CYP39A1: variants seen among roughly 807,000 people sequenced by gnomAD.
The protein encoded by CYP39A1 is cytochrome P450 family 39 subfamily A member 1, also known as 24-hydroxycholesterol 7-alpha-hydroxylase.
CYP39A1 carries 49 observed loss-of-function variants against 58.1 expected under a neutral mutation model. The ratio of observed to expected loss-of-function variants is 0.84; its 90% CI spans 0.67 to 1.07. The LOEUF (loss-of-function observed/expected upper bound fraction) is 1.07, where lower values mean the gene tolerates loss of function less well. Among genes scored for constraint, CYP39A1 ranks in the 50% least tolerant of loss-of-function variants. The probability of loss-of-function intolerance (pLI) is 0.00; values close to 1 mark genes in which losing one functional copy is unlikely to be tolerated. For missense variants in CYP39A1, 531 were observed against 539.4 expected, an observed-to-expected ratio of 0.98 and a Z score of 0.16; for synonymous variants, 209 against 187.6, an observed-to-expected ratio of 1.11 and a Z score of -0.93.
At chr6:46,621,567 T>C (rs890969223) in intron 7 of CYP39A1, among the ~76,000 whole-genome samples, 10 of 152,020 alleles carry the variant, frequency 6.6e-5, no homozygotes, top group African/African-American at 2.4e-4. Flanking sequence ...ATAATCTAGA[T>C]GAAATGGACA....
chr6:46,651,578 A>T (rs987007862), intron 1 of CYP39A1, among the ~76,000 whole-genome samples: 1 of 152,126 alleles, frequency 6.6e-6, no homozygotes, highest in Non-Finnish European at 1.5e-5. Flanking sequence ...AGTTCTCTTT[A>T]ATTTTCTATA....
chr6:46,622,966 T>A (rs116709537), intron 7 of CYP39A1, among the ~76,000 whole-genome samples: 2,926 of 152,224 alleles, frequency 0.019, 57 homozygotes, highest in Non-Finnish European at 0.029. Context: ...TCAATAGTAG[T>A]TTTTACCCTG....
At chr6:46,650,868 C>A (rs1305465498) in intron 1 of CYP39A1, among the ~76,000 whole-genome samples, 2 of 151,900 alleles carry the variant, frequency 1.3e-5, no homozygotes. Context: ...AAATATTTAG[C>A]CTTCTGACAC....
At chr6:46,645,079 T>G (rs554953375) in intron 1 of CYP39A1, among the ~76,000 whole-genome samples, 2 of 152,134 alleles carry the variant, frequency 1.3e-5, no homozygotes, top group African/African-American at 2.4e-5. Flanking sequence ...TTTATCCCAG[T>G]GTGTAGCTTT....
chr6:46,616,230 C>CCTTCCTTCCTTCCTT (rs1774587391), intron 7 of CYP39A1, among the ~76,000 whole-genome samples: 2 of 33,534 alleles, frequency 6.0e-5, no homozygotes, highest in African/African-American at 1.8e-4. Flanking sequence ...CTCCCTCCCT[C>CCTTCCTTCCTTCCTT]CCTCCCTCCC....
At chr6:46,550,568 C>T (rs188281973) in intron 11 of CYP39A1, 131 bp from the exon 12 acceptor site, 137 of 648,400 alleles carry the variant, frequency 2.1e-4, no homozygotes, top group Admixed American at 5.1e-4. Context: ...GAAATGTTTG[C>T]ATCAATGAAC....
At position 46,637,967 on chromosome 6, in the gene CYP39A1, T is replaced by C; in HGVS notation, c.500A>G (p.Tyr167Cys). 1 of 1,605,180 alleles carries C rather than the reference T, an allele frequency of 6.2e-7. No individual in the cohort carries two copies. The change falls in exon 4 of 12, where the codon TAT (tyrosine) becomes TGT (cysteine). Residue 167 changes from tyrosine to cysteine, a missense_variant. Coordinates refer to ENST00000275016, the MANE Select transcript of CYP39A1 (RefSeq NM_016593.5). The part of the protein sequence containing the change: ...DLNNLVRHLL[Y>C]PVTVNMLFNK... The stretch of plus-strand genomic sequence containing the variant: ...AAAGAGCATATTCACTGTGACTGGA[T>C]AAAGGAGATGTCTACAAAGACAGAA...
intron 7 of CYP39A1, among the ~76,000 whole-genome samples, chr6:46,619,353 G>T (rs1774819424): frequency 6.6e-6 from 1 of 152,038 alleles, no homozygotes; most frequent in Admixed American, 6.6e-5. Flanking sequence ...TTAAGTTCTA[G>T]GCAGCTAGGT....
chr6:46,641,079 C>T (rs375933329), intron 2 of CYP39A1, among the ~76,000 whole-genome samples: 18 of 151,744 alleles, frequency 1.2e-4, no homozygotes, highest in East Asian at 7.8e-4. Flanking sequence ...GAAGCTGACT[C>T]AAGAATAAAT....
At chr6:46,617,390 T>C (rs1404526213) in intron 7 of CYP39A1, among the ~76,000 whole-genome samples, 1 of 152,066 alleles carries the variant, frequency 6.6e-6, no homozygotes, top group African/African-American at 2.4e-5. Flanking sequence ...CTTGGTTAGA[T>C]TGTGATTCTG....
intron 7 of CYP39A1, among the ~76,000 whole-genome samples, chr6:46,607,514 GTAAA>G (rs776063406): frequency 6.0e-5 from 9 of 151,122 alleles, no homozygotes; most frequent in Admixed American, 5.3e-4. Context: ...GACATAGTAA[GTAAA>G]TAAATAAATA....
intron 10 of CYP39A1, among the ~76,000 whole-genome samples, chr6:46,554,210 T>G (rs1043070855): frequency 6.6e-6 from 1 of 152,238 alleles, no homozygotes; most frequent in South Asian, 2.1e-4. Flanking sequence ...AGTTTAAGAT[T>G]AAGCAAAATG....
chr6:46,612,795 C>T (rs1029283625), intron 7 of CYP39A1, among the ~76,000 whole-genome samples: 5 of 152,196 alleles, frequency 3.3e-5, no homozygotes, highest in African/African-American at 7.2e-5. Context: ...GGCAATGCAT[C>T]GCACAAGGGG....
intron 7 of CYP39A1, among the ~76,000 whole-genome samples, chr6:46,617,475 C>T (rs1281399529): frequency 6.6e-6 from 1 of 151,992 alleles, no homozygotes; most frequent in Admixed American, 6.6e-5. Flanking sequence ...ACTCCAGGAA[C>T]ATTTTCTGAG....
rs556053908 is a variant in CYP39A1 at position 46,590,805 on chromosome 6, T to C, written c.1066-2676A>G. On this transcript the variant is annotated intron_variant, in intron 8 of 11. Transcript: ENST00000275016. The stretch of plus-strand genomic sequence containing the variant: ...CCTCCTGAATAACCAATTTAATCTT[T>C]CTTAGTTCTCTTAACTTCATAACCT... Among the ~76,000 whole-genome samples the C allele has an allele frequency of 2.0e-5, 3 of 152,300 alleles. No individual in the cohort carries two copies. The East Asian group carries it at 5.8e-4, about 29-fold the overall frequency.
intron 3 of CYP39A1, among the ~76,000 whole-genome samples, chr6:46,638,942 T>C (rs1271030532): frequency 6.6e-6 from 1 of 152,216 alleles, no homozygotes; most frequent in Non-Finnish European, 1.5e-5. Context: ...CGTCTGCTGC[T>C]CTTCCCTGTC....
rs1772465905 is a variant in CYP39A1, at chr6:46,586,234, C to T, written c.1250+843G>A. 9.2e-6 allele frequency: 9 copies of T among 983,308 alleles called. 1 individual carries two copies. The South Asian group carries it at 4.2e-4, about 46-fold the overall frequency. The allele number at this position is 983,308 out of a possible 1,614,324, so 60.9% of individuals were successfully genotyped here. ...GCAAATATGGACTGGCATTATTGTT[C>T]AAATAATGAAGAGGACTGACTTCAA... On this transcript the variant is annotated intron_variant, in intron 10 of 11. Coordinates refer to ENST00000275016, the MANE Select transcript of CYP39A1 (RefSeq NM_016593.5).
In CYP39A1 at chr6:46,588,128, T is replaced by A. The variant is rs1455627659; in HGVS notation, c.1067A>T (p.Asn356Ile). The change falls in exon 9 of 12, where the codon AAT becomes ATT. Residue 356 changes from asparagine (N) to isoleucine (I), a missense_variant and splice_region_variant. Asn to Ile is a moderately radical substitution (Grantham distance 149, BLOSUM62 -3). Transcript: ENST00000275016. ...CAAGTCACCAGAAGGAATGATGTAA[T>A]TCTATAACAGAAAAATCAGCTGCAA... ...RKVVKPVEIL[N>I]YIIPSGDLLM... 1.9e-6 allele frequency: 3 copies of A among 1,565,656 alleles called. No homozygotes were observed. Among genetic ancestry groups the A allele is most frequent in the Non-Finnish European group, 2.6e-6 (3 of 1,154,340 alleles).
intron 6 of CYP39A1, among the ~76,000 whole-genome samples, chr6:46,626,912 T>C (rs116150355): frequency 0.068 from 10,380 of 152,208 alleles, 1,137 homozygotes; most frequent in African/African-American, 0.24. Flanking sequence ...ACATAATGTA[T>C]TAGTCTGTTT....
Sources: gnomAD v4.1 joint callset for allele counts (sites outside exome capture counted in the v4.1 genomes callset) on GRCh38, gnomAD v4.1.1 for gene constraint, MANE v1.5 for transcripts, NCBI Gene and HGNC (gene_info 2026-07-23, HGNC 2026-07-21) for gene names.